Variants in GYS2 observed in about 807,000 individuals in gnomAD.
GYS2 encodes glycogen synthase 2.
GYS2 carries 80 observed loss-of-function variants against 85.6 expected under a neutral mutation model. The observed-to-expected ratio is 0.93, with a 90% CI of 0.78 to 1.13. The LOEUF is 1.13. Ranked by LOEUF, GYS2 falls within the 50% of genes most tolerant of loss-of-function variation. The probability of loss-of-function intolerance (pLI) is 0.00; values close to 1 mark genes in which losing one functional copy is unlikely to be tolerated. For synonymous variants in GYS2, 328 were observed against 300.7 expected, an observed-to-expected ratio of 1.09 and a Z score of -0.94; for missense variants, 881 against 854.9, an observed-to-expected ratio of 1.03 and a Z score of -0.38.
intron 1 of GYS2, among the ~76,000 whole-genome samples, chr12:21,601,711 C>T (rs1407723691): frequency 1.3e-5 from 2 of 152,032 alleles, no homozygotes; most frequent in Non-Finnish European, 2.9e-5. Context: ...TCACATTTGA[C>T]TGTATTGTAT....
chr12:21,578,857 T>C (rs999970911), intron 2 of GYS2, among the ~76,000 whole-genome samples: 1 of 152,208 alleles, frequency 6.6e-6, no homozygotes, highest in Non-Finnish European at 1.5e-5. Flanking sequence ...AGGTATTTCC[T>C]TTTTGCAAAT....
chr12:21,557,052 A>G (rs1351652542), intron 11 of GYS2, among the ~76,000 whole-genome samples: 5 of 152,236 alleles, frequency 3.3e-5, no homozygotes, highest in Non-Finnish European at 1.5e-5. Context: ...GAAGGAAAAA[A>G]TGTAAGGATA....
At chr12:21,600,973 T>A (rs1944749892) in intron 1 of GYS2, among the ~76,000 whole-genome samples, 1 of 152,090 alleles carries the variant, frequency 6.6e-6, no homozygotes, top group African/African-American at 2.4e-5. Flanking sequence ...TTGTTTCTAG[T>A]CCATTTTAAG....
intron 11 of GYS2, among the ~76,000 whole-genome samples, chr12:21,557,186 A>T (rs1172620925): frequency 6.6e-6 from 1 of 152,250 alleles, no homozygotes; most frequent in African/African-American, 2.4e-5. Flanking sequence ...TCATTTGAAA[A>T]GATTCATTGT....
rs255435 is a variant in GYS2 at position 21,596,216 on chromosome 12, C to A, written c.121+8256G>T. Among the ~76,000 whole-genome samples, 422 of 152,154 alleles carry A rather than the reference C, an allele frequency of 2.8e-3. 3 individuals are homozygous for A. Among genetic ancestry groups the A allele is most frequent in the African/African-American group, 9.2e-3 (383 of 41,522 alleles). On this transcript the variant is annotated intron_variant, in intron 1 of 15. Transcript: ENST00000261195. Reference sequence around the variant, plus strand: ...TCCCCATCTTTTTGACACTATTCTACAAGACAGATAAAGAAGGAACCTGCC... The same window carrying A: ...TCCCCATCTTTTTGACACTATTCTAAAAGACAGATAAAGAAGGAACCTGCC...
At chr12:21,574,860 T>A in intron 3 of GYS2, among the ~76,000 whole-genome samples, 2 of 151,764 alleles carry the variant, frequency 1.3e-5, no homozygotes, top group African/African-American at 2.4e-5. Flanking sequence ...GTGTCCCAAT[T>A]ATGGAGAAGC....
chr12:21,565,594 A>C (rs891478835), intron 5 of GYS2, among the ~76,000 whole-genome samples: 1 of 150,142 alleles, frequency 6.7e-6, no homozygotes, highest in Admixed American at 6.7e-5. Flanking sequence ...AAATTAGTTA[A>C]ATTAATTTGA....
At chr12:21,556,957 A>G (rs1944187490) in intron 11 of GYS2, among the ~76,000 whole-genome samples, 1 of 152,230 alleles carries the variant, frequency 6.6e-6, no homozygotes, top group South Asian at 2.1e-4. Context: ...TAAGAATGAA[A>G]TGTACAATAC....
chr12:21,589,032 T>G (rs1944604883), intron 1 of GYS2, among the ~76,000 whole-genome samples: 1 of 152,230 alleles, frequency 6.6e-6, no homozygotes, highest in Non-Finnish European at 1.5e-5. Context: ...CATCTTCATC[T>G]TTTCCAGGAG....
At chr12:21,581,318 G>C (rs10841851) in intron 1 of GYS2, among the ~76,000 whole-genome samples, 1 of 151,966 alleles carries the variant, frequency 6.6e-6, no homozygotes, top group Non-Finnish European at 1.5e-5. Context: ...GTTAAAGATA[G>C]ACCCCTGACC....
At chr12:21,596,013 G>A (rs1464479763) in intron 1 of GYS2, among the ~76,000 whole-genome samples, 1 of 152,074 alleles carries the variant, frequency 6.6e-6, no homozygotes, top group African/African-American at 2.4e-5. Flanking sequence ...ACAGCGCGTG[G>A]AAATTTCTCC....
chr12:21,591,698 C>T (rs893055132), intron 1 of GYS2, among the ~76,000 whole-genome samples: 2 of 152,136 alleles, frequency 1.3e-5, no homozygotes, highest in Non-Finnish European at 2.9e-5. Flanking sequence ...TATAGTCAAA[C>T]TGTCAAAAGC....
At chr12:21,598,371 C>A (rs781027263) in intron 1 of GYS2, among the ~76,000 whole-genome samples, 2 of 151,978 alleles carry the variant, frequency 1.3e-5, no homozygotes, top group African/African-American at 4.8e-5. Context: ...TTGGTTGAGG[C>A]CTGATTGTAA....
intron 13 of GYS2, among the ~76,000 whole-genome samples, chr12:21,541,358 T>C (rs964936691): frequency 2.7e-5 from 4 of 150,190 alleles, no homozygotes; most frequent in Non-Finnish European, 5.9e-5. Flanking sequence ...TTCTTGCTGC[T>C]AGGGAATATG....
intron 2 of GYS2, among the ~76,000 whole-genome samples, chr12:21,576,643 A>G (rs149194048): frequency 7.9e-5 from 12 of 152,318 alleles, no homozygotes; most frequent in African/African-American, 2.6e-4. Flanking sequence ...TCTTTAATCT[A>G]GTAACTCAAA....
chr12:21,590,223 G>A (rs939825342), intron 1 of GYS2, among the ~76,000 whole-genome samples: 2 of 152,152 alleles, frequency 1.3e-5, no homozygotes, highest in African/African-American at 4.8e-5. Context: ...CATTCTGCTG[G>A]GGGCCTGAGG....
intron 1 of GYS2, among the ~76,000 whole-genome samples, 176 bp downstream of exon 1, chr12:21,604,296 T>TCATA (rs1944783049): frequency 6.6e-6 from 1 of 152,146 alleles, no homozygotes; most frequent in Admixed American, 6.6e-5. Context: ...AAGTCTGTAT[T>TCATA]CATAGCCTGT....
intron 14 of GYS2, 96 bp from the exon 15 acceptor site, chr12:21,539,434 CAT>C (rs1943947107): frequency 1.3e-6 from 1 of 768,898 alleles, no homozygotes; most frequent in Non-Finnish European, 2.3e-6. Context: ...AGTTCTGAAA[CAT>C]ATGTATTTTT....
At chr12:21,593,186 T>G (rs1036846538) in intron 1 of GYS2, among the ~76,000 whole-genome samples, 1 of 151,206 alleles carries the variant, frequency 6.6e-6, no homozygotes, top group African/African-American at 2.4e-5. Context: ...ATAGAAAGAT[T>G]TCAAATATAT....
Sources: allele counts gnomAD v4.1 joint callset (sites outside exome capture counted in the v4.1 genomes callset), GRCh38; gene constraint gnomAD v4.1.1; transcripts MANE v1.5; gene names NCBI Gene and HGNC (gene_info 2026-07-23, HGNC 2026-07-21).